MCM3: variants seen among roughly 807,000 people sequenced by gnomAD.
MCM3 encodes the protein DNA replication licensing factor MCM3.
MCM3 carries 59 observed loss-of-function variants against 91.3 expected under a neutral mutation model. The ratio of observed to expected loss-of-function variants is 0.65; its 90% CI spans 0.52 to 0.80. The LOEUF is 0.80. Ranked by LOEUF, MCM3 falls within the 30% of genes least tolerant of loss-of-function variation. The probability of loss-of-function intolerance (pLI) is 0.00; values close to 1 mark genes in which losing one functional copy is unlikely to be tolerated. For synonymous variants in MCM3, 383 were observed against 379.6 expected, an observed-to-expected ratio of 1.01 and a Z score of -0.10; for missense variants, 919 against 1,035.4, an observed-to-expected ratio of 0.89 and a Z score of 1.54.
chr6:52,269,256 C>A (rs1764904487), intron 12 of MCM3, 30 bp from the exon 13 acceptor site: 24 of 1,589,276 alleles, frequency 1.5e-5, no homozygotes, highest in Non-Finnish European at 2.1e-5. Flanking sequence ...ATTGCTTATC[C>A]CAAGTCTTTT....
rs774136859 is a variant in MCM3 at position 52,272,353 on chromosome 6, T to C, written c.1775A>G (p.Glu592Gly). 2 of 1,614,198 alleles carry C rather than the reference T, an allele frequency of 1.2e-6. No homozygotes were observed. Among genetic ancestry groups the C allele is most frequent in the Non-Finnish European group, 1.7e-6 (2 of 1,180,038 alleles). ...LTQESATYIA[E>G]EYSRLRSQDS... ...CTGGCTGCGCAGGCGTGAATACTCT[T>C]CTGCAATGTAGGTGGCCGACTCCTG... The change falls in exon 12 of 17, where the codon GAA (glutamate) becomes GGA (glycine). Residue 592 changes from glutamate (E) to glycine (G), a missense_variant. By Grantham distance (98) the Glu-to-Gly change is moderately conservative (BLOSUM62 -2). Around this residue, in one of 3 missense-constraint regions of MCM3, gnomAD observed 285 missense variants for 311.4 expected, o/e 0.92. Transcript: ENST00000596288.
chr6:52,265,179 G>A (rs560731344), intron 16 of MCM3: 2 of 336,406 alleles, frequency 5.9e-6, no homozygotes, highest in East Asian at 8.5e-5. Flanking sequence ...TGTAAACAGG[G>A]AACAACCCAA....
intron 1 of MCM3, among the ~76,000 whole-genome samples, chr6:52,284,227 G>C (rs903089852): frequency 6.6e-6 from 1 of 152,160 alleles, no homozygotes; most frequent in Non-Finnish European, 1.5e-5. Flanking sequence ...ACTCTGCAAC[G>C]CGGCTGGTCA....
chr6:52,272,344 G>A lies in MCM3; in HGVS notation c.1784C>T (p.Ser595Leu), dbSNP rs748993642. Reference sequence around the variant, plus strand: ...CATGCTATCCTGGCTGCGCAGGCGTGAATACTCTTCTGCAATGTAGGTGGC... The same window carrying A: ...CATGCTATCCTGGCTGCGCAGGCGTAAATACTCTTCTGCAATGTAGGTGGC... ...ESATYIAEEY[S>L]RLRSQDSMSS... Residue 595 changes from serine (S) to leucine (L), a missense_variant, in exon 12 of 17, where the codon TCA becomes TTA. Ser to Leu is a moderately radical substitution (Grantham distance 145). Transcript: ENST00000596288. 1.1e-5 allele frequency: 18 copies of A among 1,614,066 alleles called. No individual in the cohort carries two copies.
chr6:52,282,555 C>T (rs912414838), intron 3 of MCM3, 98 bp downstream of exon 3: 30 of 1,142,394 alleles, frequency 2.6e-5, no homozygotes, highest in Non-Finnish European at 1.8e-5. Flanking sequence ...TGCTCCACCT[C>T]TTTGAAGCCA....
In MCM3 at chr6:52,277,547, T is replaced by C. The variant is rs1161978511; in HGVS notation, c.1021A>G (p.Ile341Val). The C allele has an allele frequency of 6.2e-7, 1 of 1,613,572 alleles. No individual in the cohort carries two copies. Among genetic ancestry groups the C allele is most frequent in the South Asian group, 1.1e-5 (1 of 91,010 alleles). ...CCCAACATCGTACCTATTAGAAGAA[T>C]ATTGATGTCCCCACGGATGTGGCTG... is the stretch of plus-strand genomic sequence containing the variant. The part of the protein sequence containing the change: ...NGSHIRGDIN[I>V]LLIGDPSVAK... The change falls in exon 7 of 17, where the codon ATT becomes GTT. Residue 341 changes from isoleucine (I) to valine (V), a missense_variant. Ile to Val is a conservative substitution (Grantham distance 29, BLOSUM62 3). Coordinates refer to ENST00000596288, the MANE Select transcript of MCM3 (RefSeq NM_002388.6).
intron 9 of MCM3, chr6:52,275,941 T>C (rs916247893): frequency 5.2e-6 from 1 of 193,834 alleles, no homozygotes; most frequent in African/African-American, 2.3e-5. Flanking sequence ...TCTTTTCGTT[T>C]TCATACTATA....
At chr6:52,266,811 T>A (rs1262370493) in intron 14 of MCM3, 115 bp from the exon 15 acceptor site, 9 of 816,768 alleles carry the variant, frequency 1.1e-5, no homozygotes, top group Non-Finnish European at 1.9e-5. Flanking sequence ...TAAGTCAAAG[T>A]GAAGCACTAG....
chr6:52,274,111 A>T (rs546584789), intron 9 of MCM3, among the ~76,000 whole-genome samples, 195 bp from the exon 10 acceptor site: 1 of 152,324 alleles, frequency 6.6e-6, no homozygotes, highest in Admixed American at 6.5e-5. Context: ...ACCCTTCTTT[A>T]ACTGAGCTTC....
intron 12 of MCM3, among the ~76,000 whole-genome samples, chr6:52,269,791 C>A (rs1157091821): frequency 6.6e-6 from 1 of 152,106 alleles, no homozygotes; most frequent in Non-Finnish European, 1.5e-5. Context: ...GAATACCAAA[C>A]TGGGATGCCT....
Position 52,272,307 on chromosome 6 carries a change from G to C in MCM3, c.1821C>G (p.Thr607=). Residue 607 remains threonine (T), a synonymous_variant, in exon 12 of 17, where the codon ACC becomes ACG. Coordinates refer to ENST00000596288, the MANE Select transcript of MCM3 (RefSeq NM_002388.6). ...GGCTCCCCCAGGCACTCACCCTGGC[G>C]GTGTCTGAGCTCATGCTATCCTGGC... ...LRSQDSMSSD[T]ARTSPVTART... 6.2e-7 allele frequency: 1 copy of C among 1,614,022 alleles called. No homozygotes were observed. Among genetic ancestry groups the C allele is most frequent in the Non-Finnish European group, 8.5e-7 (1 of 1,179,964 alleles).
At position 52,276,478 on chromosome 6, in the gene MCM3, T is replaced by C. The variant is rs201363145; in HGVS notation, c.1166-2A>G. On this transcript the variant is annotated splice_acceptor_variant, in intron 8 of 16. Coordinates refer to ENST00000596288, the MANE Select transcript of MCM3 (RefSeq NM_002388.6). LOFTEE classifies it high-confidence loss of function. Reference sequence around the variant, plus strand: ...CCCCTGCTTCCAGACGGCGCTCTCCTGGGAAGTGAGAAGGTAAAAATACGT... The same window carrying C: ...CCCCTGCTTCCAGACGGCGCTCTCCCGGGAAGTGAGAAGGTAAAAATACGT... 6.2e-6 allele frequency: 10 copies of C among 1,613,518 alleles called. No homozygotes were observed. Among genetic ancestry groups the C allele is most frequent in the Non-Finnish European group, 8.5e-6 (10 of 1,179,728 alleles).
chr6:52,284,571 A>G (rs375942926), intron 1 of MCM3, 26 bp downstream of exon 1: 67 of 1,584,370 alleles, frequency 4.2e-5, no homozygotes, highest in Non-Finnish European at 5.2e-5. Context: ...CGAGCGCTAG[A>G]GCCCGCGCGC....
chr6:52,273,590 C>G, intron 10 of MCM3, 152 bp downstream of exon 10: 1 of 836,032 alleles, frequency 1.2e-6, no homozygotes, highest in South Asian at 1.8e-5. Flanking sequence ...ATACCCTCCA[C>G]TAAGCAAGAA....
intron 5 of MCM3, among the ~76,000 whole-genome samples, chr6:52,279,056 T>C (rs540175533): frequency 9.2e-5 from 14 of 152,310 alleles, no homozygotes; most frequent in African/African-American, 2.6e-4. Context: ...ACCTCTGGAA[T>C]TGACCCACAG....
Position 52,267,566 on chromosome 6 carries a change from C to T in MCM3, c.2072+299G>A, listed in dbSNP as rs190391633. Among the ~76,000 whole-genome samples, 408 of 147,836 alleles carry T rather than the reference C, an allele frequency of 2.8e-3. 11 individuals carry two copies. Among genetic ancestry groups the T allele is most frequent in the East Asian group, 2.4e-3 (12 of 5,032 alleles). ...TTTTTGAGATGGGATCTCTCTCTGTCGCCCAGGCTGGAGTGCAGTGGCACG... is the reference window on the plus strand; with the variant it reads ...TTTTTGAGATGGGATCTCTCTCTGTTGCCCAGGCTGGAGTGCAGTGGCACG... On this transcript the variant is annotated intron_variant, in intron 14 of 16. Transcript: ENST00000596288.
At chr6:52,271,024 AAC>A (rs1410176817) in intron 12 of MCM3, among the ~76,000 whole-genome samples, 2 of 152,000 alleles carry the variant, frequency 1.3e-5, no homozygotes, top group Non-Finnish European at 1.5e-5. Context: ...CAGCCTGGTC[AAC>A]ACAGTGAAAC....
rs975283792 is a variant in MCM3 at position 52,282,752 on chromosome 6, C to T, written c.301G>A (p.Gly101Arg). ...YAKQYEEFYV[G>R]LEGSFGSKHV... ...TTGGAGCCAAAGCTGCCTTCCAGTC[C>T]TACGTAGAACTCCTCATACTGCTTG... Residue 101 changes from glycine (G) to arginine (R), a missense_variant, in exon 3 of 17, where the codon GGA (glycine) becomes AGA (arginine). Physicochemically the swap from Gly to Arg is moderately radical, Grantham distance 125 (BLOSUM62 -2). Around this residue, in one of 3 missense-constraint regions of MCM3, gnomAD observed 401 missense variants for 402.7 expected, o/e 1.00. Transcript: ENST00000596288. 1.2e-6 allele frequency: 2 copies of T among 1,614,024 alleles called. No homozygotes were observed. The highest frequency in any genetic ancestry group is 3.3e-5 in the Admixed American group (2 of 59,998).
At chr6:52,283,175 C>T (rs914689484) in intron 2 of MCM3, 119 bp downstream of exon 2, 36 of 777,882 alleles carry the variant, frequency 4.6e-5, no homozygotes, top group Non-Finnish European at 6.9e-5. Flanking sequence ...AGGTGAGCTA[C>T]GAGGGCTTGT....
Sources: allele counts gnomAD v4.1 joint callset (sites outside exome capture counted in the v4.1 genomes callset), GRCh38; gene constraint gnomAD v4.1.1; regional missense constraint gnomAD v4.1.1; transcripts MANE v1.5; gene names NCBI Gene and HGNC (gene_info 2026-07-23, HGNC 2026-07-21).